Variants in RNF34 observed in about 807,000 individuals in gnomAD.
The protein encoded by RNF34 is E3 ubiquitin-protein ligase RNF34.
RNF34 carries 12 observed loss-of-function variants against 37.9 expected under a neutral mutation model. That is an observed-to-expected ratio of 0.32 (90% CI 0.20 to 0.51). The LOEUF is 0.51. Among genes scored for constraint, RNF34 ranks in the 20% least tolerant of loss-of-function variants. The pLI, the probability that RNF34 is intolerant of heterozygous loss-of-function variation, is 0.97. For synonymous variants in RNF34, 155 were observed against 177.2 expected (o/e 0.87, Z 1.00); for missense variants, 362 against 472.7 (o/e 0.77, Z 2.17).
intron 5 of RNF34, among the ~76,000 whole-genome samples, chr12:121,421,112 C>T (rs1555283282): frequency 6.6e-6 from 1 of 152,048 alleles, no homozygotes; most frequent in African/African-American, 2.4e-5. Flanking sequence ...TTTGGCCGGC[C>T]AGTACCTTGG....
intron 1 of RNF34, among the ~76,000 whole-genome samples, chr12:121,413,750 G>A (rs1388845601): frequency 3.3e-5 from 5 of 151,658 alleles, no homozygotes; most frequent in African/African-American, 1.2e-4. Context: ...CTAATTTTTT[G>A]TATTTTTAGT....
intron 1 of RNF34, among the ~76,000 whole-genome samples, chr12:121,405,796 CT>C (rs1199533719): frequency 2.0e-3 from 282 of 137,622 alleles, no homozygotes; most frequent in African/African-American, 5.4e-3. Flanking sequence ...TGTCTTATTT[CT>C]TTTTTTTTTT....
Position 121,405,316 on chromosome 12 carries a change from C to T in RNF34, c.6+5098C>T, listed in dbSNP as rs574905270. On this transcript the variant is annotated intron_variant, in intron 1 of 5. Coordinates refer to ENST00000361234, the MANE Select transcript of RNF34 (RefSeq NM_025126.4). ...GGCTCAGTACTTTCTGGGACCTTCTCACATTTGTCTTCCTGTAGTGAAGAT... is the reference window on the plus strand; with the variant it reads ...GGCTCAGTACTTTCTGGGACCTTCTTACATTTGTCTTCCTGTAGTGAAGAT... Among the ~76,000 whole-genome samples, 21 of 152,268 alleles carry T rather than the reference C, an allele frequency of 1.4e-4. 1 individual carries two copies. Among genetic ancestry groups the T allele is most frequent in the South Asian group, 1.0e-3 (5 of 4,822 alleles).
At chr12:121,418,279 A>G (rs1188260959) in intron 3 of RNF34, 2 of 189,234 alleles carry the variant, frequency 1.1e-5, no homozygotes, top group Admixed American at 5.5e-5. Context: ...ACAGAAAACA[A>G]TCAGTAGTGT....
chr12:121,410,716 T>C (rs1173674862), intron 1 of RNF34, among the ~76,000 whole-genome samples: 2 of 152,200 alleles, frequency 1.3e-5, no homozygotes, highest in Non-Finnish European at 2.9e-5. Flanking sequence ...ATGCTAAGGT[T>C]ATTCTCTCAC....
chr12:121,401,462 G>C (rs1298735481), intron 1 of RNF34, among the ~76,000 whole-genome samples: 2 of 151,224 alleles, frequency 1.3e-5, no homozygotes, highest in African/African-American at 4.9e-5. Flanking sequence ...TTGGAACTGT[G>C]CCTTGAAGTA....
At position 121,416,378 on chromosome 12, in the gene RNF34, G is replaced by A. The variant is rs1555282207; in HGVS notation, c.225+1G>A. ...TTCATTTTCAGTCTTTAGAAAGAAG[G>A]TGAGTTGGATGAAATGTTACATAAC... On this transcript the variant is annotated splice_donor_variant, in intron 2 of 5. Transcript: ENST00000361234. LOFTEE classifies it high-confidence loss of function. 1.2e-6 allele frequency: 2 copies of A among 1,600,446 alleles called. No homozygotes were observed. The highest frequency in any genetic ancestry group is 2.2e-5 in the East Asian group (1 of 44,822).
At chr12:121,403,369 C>CT (rs1555280262) in intron 1 of RNF34, among the ~76,000 whole-genome samples, 2 of 149,166 alleles carry the variant, frequency 1.3e-5, no homozygotes. Flanking sequence ...GCACTCCAGC[C>CT]TGGGCAACAG....
intron 1 of RNF34, among the ~76,000 whole-genome samples, chr12:121,404,622 C>G (rs1311111902): frequency 6.6e-6 from 1 of 151,974 alleles, no homozygotes; most frequent in Non-Finnish European, 1.5e-5. Context: ...AACTCCTGAC[C>G]TCAAGTGATT....
chr12:121,411,864 C>G (rs544840841), intron 1 of RNF34, among the ~76,000 whole-genome samples: 1 of 152,166 alleles, frequency 6.6e-6, no homozygotes, highest in African/African-American at 2.4e-5. Flanking sequence ...GGAAGCTAAA[C>G]TTGTAAAACT....
chr12:121,408,790 T>C (rs1555280953), intron 1 of RNF34, among the ~76,000 whole-genome samples: 2 of 152,274 alleles, frequency 1.3e-5, no homozygotes, highest in Middle Eastern at 3.4e-3. Context: ...TCTCCTCATA[T>C]TGGGAGATTT....
chr12:121,407,898 T>TC (rs1566225903), intron 1 of RNF34, among the ~76,000 whole-genome samples: 1 of 151,770 alleles, frequency 6.6e-6, no homozygotes, highest in Non-Finnish European at 1.5e-5. Context: ...TGGCATATGT[T>TC]CCCCCCATCC....
At chr12:121,414,527 T>G (rs1207916327) in intron 1 of RNF34, among the ~76,000 whole-genome samples, 1 of 152,182 alleles carries the variant, frequency 6.6e-6, no homozygotes, top group Non-Finnish European at 1.5e-5. Flanking sequence ...GAAAAAACCA[T>G]AGAAAGCAAT....
intron 1 of RNF34, among the ~76,000 whole-genome samples, chr12:121,414,209 GTAT>G (rs1555281789): frequency 1.3e-5 from 2 of 152,190 alleles, no homozygotes; most frequent in East Asian, 1.9e-4. Flanking sequence ...AAATGGAACT[GTAT>G]TATTATATGC....
intron 5 of RNF34, among the ~76,000 whole-genome samples, chr12:121,421,465 A>T (rs1219743235): frequency 6.9e-6 from 1 of 145,936 alleles, no homozygotes; most frequent in Non-Finnish European, 1.5e-5. Flanking sequence ...AGGGGGGAGG[A>T]TTGCTTGAGC....
chr12:121,413,416 T>TG (rs1871279677), intron 1 of RNF34, among the ~76,000 whole-genome samples: 1 of 39,428 alleles, frequency 2.5e-5, no homozygotes, highest in Non-Finnish European at 4.9e-5. Context: ...TTACCTGTCC[T>TG]TTTTTTTTTT....
chr12:121,410,706 A>C (rs1870980187), intron 1 of RNF34, among the ~76,000 whole-genome samples: 1 of 152,100 alleles, frequency 6.6e-6, no homozygotes, highest in Admixed American at 6.6e-5. Flanking sequence ...CTTCAATATG[A>C]TGCTAAGGTT....
At chr12:121,403,222 C>T (rs1285199672) in intron 1 of RNF34, among the ~76,000 whole-genome samples, 2 of 152,040 alleles carry the variant, frequency 1.3e-5, no homozygotes, top group Non-Finnish European at 2.9e-5. Context: ...CAGTGAAACC[C>T]TGTCTCTACT....
At chr12:121,409,581 A>C (rs1219191731) in intron 1 of RNF34, 1 of 152,180 alleles carries the variant, frequency 6.6e-6, no homozygotes, top group Non-Finnish European at 1.5e-5. Context: ...GGGAGTTTTC[A>C]AAAAAATTCT....
Sources: gnomAD v4.1 joint callset for allele counts (sites outside exome capture counted in the v4.1 genomes callset) on GRCh38, gnomAD v4.1.1 for gene constraint, MANE v1.5 for transcripts, NCBI Gene and HGNC (gene_info 2026-07-23, HGNC 2026-07-21) for gene names.